The following CLDN18 variants were observed in gnomAD, a reference collection of about 807,000 sequenced individuals.
The protein encoded by CLDN18 is claudin-18.
A neutral mutation model predicts 25.0 loss-of-function variants in CLDN18; 20 were observed. The observed-to-expected ratio is 0.80, with a 90% confidence interval of 0.56 to 1.16. The LOEUF is 1.16. Ranked by LOEUF, CLDN18 falls within the 50% of genes most tolerant of loss-of-function variation. The pLI is 0.00. For missense variants in CLDN18, 297 were observed against 345.4 expected, an observed-to-expected ratio of 0.86 and a Z score of 1.11; for synonymous variants, 125 against 135.6, an observed-to-expected ratio of 0.92 and a Z score of 0.54.
intron 1 of CLDN18, among the ~76,000 whole-genome samples, chr3:138,001,315 G>A (rs567903507): frequency 3.3e-5 from 5 of 151,208 alleles, no homozygotes; most frequent in African/African-American, 1.2e-4. Context: ...GATGCTGCAG[G>A]CCCATACAGA....
At chr3:138,015,359 T>G (rs1942190722) in intron 1 of CLDN18, among the ~76,000 whole-genome samples, 1 of 152,110 alleles carries the variant, frequency 6.6e-6, no homozygotes, top group Non-Finnish European at 1.5e-5. Flanking sequence ...GTGTAAAGTA[T>G]TTTCTTGTGC....
intron 1 of CLDN18, among the ~76,000 whole-genome samples, chr3:137,999,303 A>G (rs1225334785): frequency 3.3e-5 from 5 of 152,176 alleles, no homozygotes; most frequent in Non-Finnish European, 7.4e-5. Flanking sequence ...CTGTTCCCCT[A>G]ACTGGATGGT....
At chr3:138,023,535 T>C (rs962986498) in intron 1 of CLDN18, 123 bp from the exon 2 acceptor site, 4 of 842,162 alleles carry the variant, frequency 4.7e-6, no homozygotes, top group African/African-American at 1.7e-5. Context: ...TTATGGACTT[T>C]GCTGTCTCTC....
chr3:138,023,749 C>T lies in CLDN18; in HGVS notation c.312C>T (p.Ile104=). The part of the protein sequence containing the change: ...LLVSIFALKC[I]RIGSMEDSAK... ...TATCCATCTTTGCCCTGAAATGCAT[C>T]CGCATTGGCAGCATGGAGGACTCTG... The change falls in exon 2 of 5, where the codon ATC becomes ATT. Residue 104 remains isoleucine (I), a synonymous_variant. Transcript: ENST00000183605. 1.2e-6 allele frequency: 2 copies of T among 1,614,112 alleles called. No homozygotes were observed. The highest frequency in any genetic ancestry group is 1.7e-6 in the Non-Finnish European group (2 of 1,180,016).
chr3:138,031,299 AG>A lies in CLDN18; in HGVS notation c.*159del. On this transcript the variant is annotated 3_prime_UTR_variant, in exon 5 of 5. Transcript: ENST00000183605. ...GGAGAGGCCAAATGGTCTTAGCCTC[AG>A]TCTCTGTCTCTAAATATTCCACCAT... 3.9e-6 allele frequency: 2 copies of A among 513,048 alleles called. No homozygotes were observed. The highest frequency in any genetic ancestry group is 7.2e-5 in the Admixed American group (2 of 27,856). 31.8% of individuals were successfully genotyped at this position (513,048 alleles called of 1,614,324 possible). A position where few individuals can be genotyped will look rare whatever the true frequency, so the allele number is the denominator to read the frequency against.
chr3:138,014,204 AC>A (rs1412138422), intron 1 of CLDN18, among the ~76,000 whole-genome samples: 1 of 152,102 alleles, frequency 6.6e-6, no homozygotes, highest in Non-Finnish European at 1.5e-5. Flanking sequence ...CACTCATGGA[AC>A]CCTGAGATGT....
In CLDN18 at chr3:138,019,160, G is replaced by A. The variant is rs76153748; in HGVS notation, c.221-4498G>A. Among the ~76,000 whole-genome samples the A allele has an allele frequency of 5.9e-3, 892 of 152,310 alleles. 2 individuals are homozygous for A. Among genetic ancestry groups the A allele is most frequent in the Middle Eastern group, 0.014 (4 of 294 alleles). On this transcript the variant is annotated intron_variant, in intron 1 of 4. Coordinates refer to ENST00000183605, the MANE Select transcript of CLDN18 (RefSeq NM_016369.4). ...CTGATCCTCACAGATCTATGCAAGA[G>A]ATATCTTTGACTACCTCCAGAATTG...
intron 1 of CLDN18, among the ~76,000 whole-genome samples, chr3:138,000,999 CA>C (rs979473660): frequency 4.6e-5 from 7 of 152,332 alleles, no homozygotes; most frequent in African/African-American, 1.7e-4. Context: ...GGGAAAATAA[CA>C]ATGACAAATC....
chr3:138,018,094 C>T (rs1386130016), intron 1 of CLDN18, among the ~76,000 whole-genome samples: 1 of 152,168 alleles, frequency 6.6e-6, no homozygotes, highest in African/African-American at 2.4e-5. Context: ...GTAGTTGCAT[C>T]TCACCTTAGA....
upstream of CLDN18, chr3:138,010,110 G>C (rs933252466): frequency 4.1e-6 from 6 of 1,446,686 alleles, no homozygotes; most frequent in Admixed American, 2.5e-5. Flanking sequence ...CAAATACTGA[G>C]AGCCTAGGGA....
At position 138,024,643 on chromosome 3, in the gene CLDN18, A is replaced by G. The variant is rs765312866; in HGVS notation, c.422A>G (p.Asn141Ser). ...CAIAGVSVFA[N>S]MLVTNFWMST... ...ATTGCTGGAGTGTCTGTGTTTGCCA[A>G]CATGCTGGTGACTAACTTCTGGATG... The change falls in exon 3 of 5, where the codon AAC becomes AGC. Residue 141 changes from asparagine to serine, a missense_variant. By Grantham distance (46) the Asn-to-Ser change is conservative. Coordinates refer to ENST00000183605, the MANE Select transcript of CLDN18 (RefSeq NM_016369.4). The G allele has an allele frequency of 1.2e-5, 19 of 1,613,706 alleles. No individual in the cohort carries two copies. In the South Asian group the frequency reaches 1.6e-4, roughly 14 times the overall value.
At chr3:138,009,790 C>T (rs1942109315), upstream of CLDN18, among the ~76,000 whole-genome samples, 1 of 152,234 alleles carries the variant, frequency 6.6e-6, no homozygotes. Flanking sequence ...TAAGACAGAG[C>T]ACGGTGGGTG....
chr3:138,024,784 T>C (rs775775732), intron 3 of CLDN18, 60 bp downstream of exon 3: 1 of 999,468 alleles, frequency 1.0e-6, no homozygotes, highest in Non-Finnish European at 1.6e-6. Flanking sequence ...AAGAATCTGA[T>C]TAAACACATG....
chr3:138,020,279 T>C (rs1942255982), intron 1 of CLDN18, among the ~76,000 whole-genome samples: 1 of 152,184 alleles, frequency 6.6e-6, no homozygotes, highest in African/African-American at 2.4e-5. Flanking sequence ...TGTTGATCGT[T>C]GTTTGTAGAA....
rs909832031 is a variant in CLDN18, at chr3:138,032,576, T to C, written c.*1435T>C. 1 of 152,210 alleles carries C rather than the reference T, an allele frequency of 6.6e-6. No homozygotes were observed. Among genetic ancestry groups the C allele is most frequent in the Non-Finnish European group, 1.5e-5 (1 of 68,028 alleles). 9.4% of individuals were successfully genotyped at this position (152,210 alleles called of 1,614,324 possible). ...TTGCATGGTTACAAGCCACTGCCAG[T>C]TAGCAGTAGCACTTTCCTGGCACTG... On this transcript the variant is annotated 3_prime_UTR_variant, in exon 5 of 5. Coordinates refer to ENST00000183605, the MANE Select transcript of CLDN18 (RefSeq NM_016369.4).
chr3:138,000,279 G>A (rs541676138), intron 1 of CLDN18, among the ~76,000 whole-genome samples: 16 of 152,218 alleles, frequency 1.1e-4, no homozygotes, highest in African/African-American at 2.4e-4. Context: ...AGGAGAAGAG[G>A]GTGAAACTGC....
At chr3:137,999,130 G>C (rs774224573) in intron 1 of CLDN18, 6 of 1,569,652 alleles carry the variant, frequency 3.8e-6, no homozygotes, top group South Asian at 3.3e-5. Flanking sequence ...AGAGATTGGA[G>C]GTGGAGAGGA....
chr3:138,013,243 C>T (rs1559804916), intron 1 of CLDN18, among the ~76,000 whole-genome samples: 1 of 152,156 alleles, frequency 6.6e-6, no homozygotes, highest in African/African-American at 2.4e-5. Flanking sequence ...GGACCTGGTC[C>T]TCCTCCTGCC....
chr3:138,013,986 C>T (rs1942171648), intron 1 of CLDN18, among the ~76,000 whole-genome samples: 1 of 150,978 alleles, frequency 6.6e-6, no homozygotes, highest in African/African-American at 2.4e-5. Flanking sequence ...GTAAATATGG[C>T]CATGGGGGTG....
Sources: gnomAD v4.1 joint callset for allele counts (sites outside exome capture counted in the v4.1 genomes callset) on GRCh38, gnomAD v4.1.1 for gene constraint, MANE v1.5 for transcripts, NCBI Gene and HGNC (gene_info 2026-07-23, HGNC 2026-07-21) for gene names.